The following IMMP2L variants were observed in gnomAD, a reference collection of about 807,000 sequenced individuals.
IMMP2L encodes the protein mitochondrial inner membrane protease subunit 2.
A neutral mutation model predicts 19.3 loss-of-function variants in IMMP2L; 18 were observed. The observed-to-expected ratio is 0.93, with a 90% CI of 0.64 to 1.38. The LOEUF is 1.38. Ranked by LOEUF, IMMP2L falls within the 40% of genes most tolerant of loss-of-function variation. IMMP2L has a pLI of 0.00. For missense variants in IMMP2L, 233 were observed against 218.2 expected, an observed-to-expected ratio of 1.07 and a Z score of -0.43; for synonymous variants, 76 against 73.0, an observed-to-expected ratio of 1.04 and a Z score of -0.21.
At chr7:111,135,001 T>C (rs1423414466) in intron 3 of IMMP2L, among the ~76,000 whole-genome samples, 2 of 152,138 alleles carry the variant, frequency 1.3e-5, no homozygotes, top group Admixed American at 1.3e-4. Context: ...AATTTTCATT[T>C]TATTGATAAG....
At chr7:111,174,220 ACT>A (rs1388503581) in intron 3 of IMMP2L, among the ~76,000 whole-genome samples, 3 of 151,662 alleles carry the variant, frequency 2.0e-5, no homozygotes, top group African/African-American at 7.2e-5. Flanking sequence ...CAACTGAACA[ACT>A]CTAAAAGTTT....
At chr7:111,420,443 T>A (rs1000778244) in intron 3 of IMMP2L, among the ~76,000 whole-genome samples, 1 of 151,788 alleles carries the variant, frequency 6.6e-6, no homozygotes, top group Non-Finnish European at 1.5e-5. Flanking sequence ...CTAGGGTACA[T>A]GTGCACAATG....
chr7:111,081,919 T>C (rs1343766722), intron 3 of IMMP2L, among the ~76,000 whole-genome samples: 1 of 152,156 alleles, frequency 6.6e-6, no homozygotes, highest in East Asian at 1.9e-4. Flanking sequence ...GAAGAAAGAA[T>C]GATTGCCTGA....
At chr7:111,122,152 A>G (rs1434237720) in intron 3 of IMMP2L, among the ~76,000 whole-genome samples, 2 of 152,080 alleles carry the variant, frequency 1.3e-5, no homozygotes, top group African/African-American at 4.8e-5. Flanking sequence ...CAGCACACCA[A>G]CATGGCACAT....
intron 3 of IMMP2L, among the ~76,000 whole-genome samples, chr7:111,115,615 T>G (rs1271392083): frequency 6.6e-6 from 1 of 151,914 alleles, no homozygotes; most frequent in Non-Finnish European, 1.5e-5. Flanking sequence ...AAATTGGACG[T>G]ATTAGGGTGA....
At chr7:111,043,908 C>T (rs1460407548) in intron 3 of IMMP2L, among the ~76,000 whole-genome samples, 11 of 152,184 alleles carry the variant, frequency 7.2e-5, no homozygotes, top group Admixed American at 7.2e-4. Flanking sequence ...TTTGTCAGCT[C>T]TTTTGTCAGT....
intron 4 of IMMP2L, among the ~76,000 whole-genome samples, chr7:110,902,760 T>C (rs1242954269): frequency 1.5e-5 from 1 of 66,630 alleles, no homozygotes; most frequent in African/African-American, 8.0e-5. Flanking sequence ...CCGTCTCTAC[T>C]AAAAATACAA....
intron 3 of IMMP2L, among the ~76,000 whole-genome samples, chr7:111,435,978 C>T (rs770221728): frequency 7.2e-5 from 11 of 151,770 alleles, no homozygotes; most frequent in African/African-American, 1.5e-4. Flanking sequence ...CCAATCCCAT[C>T]ATCTTGGCAC....
At chr7:111,024,028 C>T (rs1317273312) in intron 3 of IMMP2L, among the ~76,000 whole-genome samples, 1 of 151,986 alleles carries the variant, frequency 6.6e-6, no homozygotes, top group Admixed American at 6.6e-5. Context: ...ATATTAAACC[C>T]ACAAATGAAT....
At chr7:111,057,137 A>AT (rs1793587137) in intron 3 of IMMP2L, among the ~76,000 whole-genome samples, 1 of 152,160 alleles carries the variant, frequency 6.6e-6, no homozygotes, top group Admixed American at 6.5e-5. Flanking sequence ...ATAATAACTA[A>AT]TTTTAAGATG....
intron 3 of IMMP2L, among the ~76,000 whole-genome samples, chr7:111,421,956 A>C (rs1835600113): frequency 6.6e-6 from 1 of 151,864 alleles, no homozygotes. Flanking sequence ...CAGTTTTCCC[A>C]GCACCATTTA....
chr7:111,090,726 C>G (rs1293691861), intron 3 of IMMP2L, among the ~76,000 whole-genome samples: 2 of 151,986 alleles, frequency 1.3e-5, no homozygotes, highest in African/African-American at 2.4e-5. Flanking sequence ...TTAAATAATG[C>G]AGTCATTGCT....
intron 5 of IMMP2L, among the ~76,000 whole-genome samples, chr7:110,771,378 A>G (rs1313423689): frequency 6.6e-6 from 1 of 152,150 alleles, no homozygotes; most frequent in Admixed American, 6.5e-5. Flanking sequence ...AACAAGGCTC[A>G]TCTTAACAGG....
intron 4 of IMMP2L, among the ~76,000 whole-genome samples, chr7:110,942,083 T>G (rs1241091657): frequency 6.6e-6 from 1 of 151,994 alleles, no homozygotes; most frequent in Non-Finnish European, 1.5e-5. Context: ...GTTAATTGGT[T>G]GCTCTAGGTT....
chr7:111,277,998 T>A (rs1482394086), intron 3 of IMMP2L, among the ~76,000 whole-genome samples: 1 of 152,118 alleles, frequency 6.6e-6, no homozygotes, highest in Non-Finnish European at 1.5e-5. Flanking sequence ...AAATACCACA[T>A]GTTCTCACTT....
intron 5 of IMMP2L, among the ~76,000 whole-genome samples, chr7:110,875,704 G>C (rs1808993045): frequency 6.6e-6 from 1 of 152,084 alleles, no homozygotes; most frequent in Non-Finnish European, 1.5e-5. Flanking sequence ...GAAGATTTAA[G>C]CAGCTTTGAA....
At chr7:111,118,726 A>G (rs973315085) in intron 3 of IMMP2L, among the ~76,000 whole-genome samples, 1 of 152,152 alleles carries the variant, frequency 6.6e-6, no homozygotes, top group Non-Finnish European at 1.5e-5. Context: ...CATATTAATG[A>G]AATATCATAA....
At chr7:110,683,720 T>C (rs183500269) in intron 5 of IMMP2L, among the ~76,000 whole-genome samples, 3 of 152,290 alleles carry the variant, frequency 2.0e-5, no homozygotes, top group Non-Finnish European at 4.4e-5. Context: ...ATGTCAGTCC[T>C]AGTATTGACA....
chr7:110,764,791 T>C (rs776064423), intron 5 of IMMP2L, among the ~76,000 whole-genome samples: 3 of 152,092 alleles, frequency 2.0e-5, no homozygotes, highest in Non-Finnish European at 2.9e-5. Flanking sequence ...AAGTGCAGCA[T>C]CATTACTCCT....
Sources: gnomAD v4.1 joint callset for allele counts (sites outside exome capture counted in the v4.1 genomes callset) on GRCh38, gnomAD v4.1.1 for gene constraint, MANE v1.5 for transcripts, NCBI Gene and HGNC (gene_info 2026-07-23, HGNC 2026-07-21) for gene names.